The following WASHC2C variants were observed in gnomAD, a reference collection of about 807,000 sequenced individuals.
WASHC2C encodes WASH complex subunit 2C, also known as Vaccinia Penetration Factor.
In WASHC2C, 73 loss-of-function variants were observed where a neutral mutation model predicts 142.2. The observed-to-expected ratio is 0.51, with a 90% confidence interval of 0.43 to 0.62. The LOEUF is 0.62. WASHC2C is among the 20% of genes least tolerant of loss of function. WASHC2C has a pLI of 0.00. For synonymous variants in WASHC2C, 337 were observed against 565.5 expected (o/e 0.60, Z 5.73); for missense variants, 969 against 1,531.7 (o/e 0.63, Z 6.13).
rs557333484 is a variant in WASHC2C, at chr10:45,768,755, A to T, written c.1870-694A>T. Among the ~76,000 whole-genome samples the T allele has an allele frequency of 2.0e-5, 3 of 152,170 alleles. No homozygotes were observed. In the East Asian group the frequency reaches 5.8e-4, roughly 29 times the overall value. On this transcript the variant is annotated intron_variant, in intron 19 of 30. Transcript: ENST00000623400. ...TTTTTCAATCTGCTTTAGGATTTTT[A>T]AAATTAAAATATTCTTCTCTGGAGT...
chr10:45,776,959 G>A (rs1554886554), intron 21 of WASHC2C, among the ~76,000 whole-genome samples: 1 of 149,966 alleles, frequency 6.7e-6, no homozygotes, highest in African/African-American at 2.5e-5. Context: ...TATAAGAGGA[G>A]TGAGGCAGAG....
Position 45,743,494 on chromosome 10 carries a change from TCAC to T in WASHC2C, c.622+14_622+16del. 1 of 1,610,724 alleles carries T rather than the reference TCAC, an allele frequency of 6.2e-7. No homozygotes were observed. Among genetic ancestry groups the T allele is most frequent in the South Asian group, 1.1e-5 (1 of 90,436 alleles). ...AGCTGTCCAGTGAAGGTACTTTTCTTCACCAAATAATTTTATTCCTTAACATTT... is the reference window on the plus strand; with the variant it reads ...AGCTGTCCAGTGAAGGTACTTTTCTTCAAATAATTTTATTCCTTAACATTT... On this transcript the variant is annotated intron_variant, in intron 6 of 30. Transcript: ENST00000623400.
chr10:45,730,776 C>T (rs1240104163), intron 3 of WASHC2C, among the ~76,000 whole-genome samples: 6 of 152,026 alleles, frequency 3.9e-5, no homozygotes, highest in South Asian at 4.2e-4. Flanking sequence ...CGTGCCACCA[C>T]GCCTGGCTAA....
chr10:45,764,656 A>G (rs1293140591), intron 18 of WASHC2C, among the ~76,000 whole-genome samples: 4 of 152,168 alleles, frequency 2.6e-5, no homozygotes, highest in African/African-American at 9.7e-5. Flanking sequence ...CTTTGCCATC[A>G]GACCCCTGGG....
rs1267222490 is a variant in WASHC2C, at chr10:45,755,441, G to A, written c.1420+326G>A. Among the ~76,000 whole-genome samples, 8 of 152,128 alleles carry A rather than the reference G, an allele frequency of 5.3e-5. No individual in the cohort carries two copies. In the South Asian group the frequency reaches 1.0e-3, roughly 20 times the overall value. Reference sequence around the variant, plus strand: ...GTTTTAATCATCCTTTCTTCCAGCCGACCTTAGTCAATTACATGAGCAGCA... The same window carrying A: ...GTTTTAATCATCCTTTCTTCCAGCCAACCTTAGTCAATTACATGAGCAGCA... On this transcript the variant is annotated intron_variant, in intron 15 of 30. Coordinates refer to ENST00000623400, the MANE Select transcript of WASHC2C (RefSeq NM_001330074.2).
At chr10:45,752,879 G>A (rs1487460759) in intron 12 of WASHC2C, among the ~76,000 whole-genome samples, 173 bp downstream of exon 12, 3 of 115,100 alleles carry the variant, frequency 2.6e-5, no homozygotes, top group Non-Finnish European at 5.2e-5. Context: ...GAGAAATGCC[G>A]TATCCTTCTA....
chr10:45,765,698 C>G lies in WASHC2C; in HGVS notation c.1757C>G (p.Thr586Arg). The change falls in exon 19 of 31, where the codon ACA (threonine) becomes AGA (arginine). Residue 586 changes from threonine (T) to arginine (R), a missense_variant. Thr to Arg is a moderately conservative substitution (Grantham distance 71). Transcript: ENST00000623400. ...EDEEDNLFGG[T>R]AAKKQTLSLQ... ...TTCTAGGATAATCTTTTTGGGGGTA[C>G]AGCTGCTAAGAAGCAGACATTGTCT... 6.2e-7 allele frequency: 1 copy of G among 1,611,918 alleles called. No homozygotes were observed. The highest frequency in any genetic ancestry group is 8.5e-7 in the Non-Finnish European group (1 of 1,179,846).
intron 7 of WASHC2C, 57 bp from the exon 8 acceptor site, chr10:45,746,543 T>G: frequency 6.3e-7 from 1 of 1,591,850 alleles, no homozygotes; most frequent in Non-Finnish European, 8.6e-7. Context: ...CCTGCAATCA[T>G]TTCTGTGCTT....
intron 17 of WASHC2C, among the ~76,000 whole-genome samples, 166 bp downstream of exon 17, chr10:45,759,567 C>A (rs1231655397): frequency 1.3e-5 from 2 of 151,948 alleles, no homozygotes; most frequent in African/African-American, 4.8e-5. Flanking sequence ...TGCCTGTAAT[C>A]CCAGCACTTT....
rs564178690 is a variant in WASHC2C at position 45,771,409 on chromosome 10, C to G, written c.2039+1791C>G. 4.8e-6 allele frequency: 4 copies of G among 841,982 alleles called. No individual in the cohort carries two copies. In the African/African-American group the frequency reaches 7.7e-5, roughly 16 times the overall value. The allele number at this position is 841,982 out of a possible 1,614,324, so 52.2% of individuals were successfully genotyped here. ...AAGGCCTTTCCTAACTTTAAACAGA[C>G]AAGAAAGAGAAGAAATAGGGAGTAG... On this transcript the variant is annotated intron_variant, in intron 20 of 30. Transcript: ENST00000623400.
chr10:45,737,742 C>T (rs1162701913), intron 3 of WASHC2C, among the ~76,000 whole-genome samples: 7 of 150,796 alleles, frequency 4.6e-5, no homozygotes, highest in African/African-American at 1.7e-4. Flanking sequence ...AAAGTTTCAT[C>T]ATGTTTCCTA....
chr10:45,741,713 G>T (rs1452170100), intron 5 of WASHC2C, among the ~76,000 whole-genome samples: 1 of 151,954 alleles, frequency 6.6e-6, no homozygotes, highest in Non-Finnish European at 1.5e-5. Flanking sequence ...TTGCCAAAGG[G>T]CAATGCCTCA....
At chr10:45,745,652 T>C (rs1191832437) in intron 7 of WASHC2C, among the ~76,000 whole-genome samples, 1 of 151,784 alleles carries the variant, frequency 6.6e-6, no homozygotes, top group African/African-American at 2.4e-5. Context: ...GCAGTGCTCA[T>C]TAGGGGAATC....
chr10:45,785,278 C>A (rs538205177), intron 25 of WASHC2C, among the ~76,000 whole-genome samples: 7 of 152,228 alleles, frequency 4.6e-5, no homozygotes, highest in Admixed American at 2.0e-4. Flanking sequence ...TCTCCCCCAG[C>A]CCCAGTAGGT....
intron 23 of WASHC2C, among the ~76,000 whole-genome samples, chr10:45,784,283 T>TACACACACAC (rs1284999333): frequency 2.5e-4 from 2 of 8,084 alleles, no homozygotes; most frequent in Non-Finnish European, 3.3e-4. Flanking sequence ...TATATATATA[T>TACACACACAC]ATATATACAC....
intron 11 of WASHC2C, 82 bp from the exon 12 acceptor site, chr10:45,752,506 A>G (rs2053728426): frequency 9.1e-7 from 1 of 1,094,660 alleles, no homozygotes; most frequent in South Asian, 1.3e-5. Flanking sequence ...CAGTTTGGAG[A>G]CACAGCAGAT....
At chr10:45,744,036 C>T (rs1181794303) in intron 6 of WASHC2C, among the ~76,000 whole-genome samples, 17 of 151,738 alleles carry the variant, frequency 1.1e-4, no homozygotes, top group Non-Finnish European at 2.4e-4. Flanking sequence ...CATGAGCCAC[C>T]GTGCCCGGCT....
intron 4 of WASHC2C, among the ~76,000 whole-genome samples, chr10:45,739,318 A>G (rs1219030006): frequency 6.6e-6 from 1 of 150,740 alleles, no homozygotes; most frequent in Non-Finnish European, 1.5e-5. Flanking sequence ...TGGCCCTCAG[A>G]ACAACACTGT....
At chr10:45,743,325 G>A (rs1404710090) in intron 5 of WASHC2C, 65 bp from the exon 6 acceptor site, 50 of 1,604,322 alleles carry the variant, frequency 3.1e-5, no homozygotes, top group African/African-American at 5.4e-5. Context: ...CAGGGTATCA[G>A]GTGGCACATG....
Sources: allele counts gnomAD v4.1 joint callset (sites outside exome capture counted in the v4.1 genomes callset), GRCh38; gene constraint gnomAD v4.1.1; transcripts MANE v1.5; gene names NCBI Gene and HGNC (gene_info 2026-07-23, HGNC 2026-07-21).